PCTP: variants seen among roughly 807,000 people sequenced by gnomAD.
PCTP encodes START domain-containing protein 2.
A neutral mutation model predicts 31.0 loss-of-function variants in PCTP; 27 were observed. The ratio of observed to expected loss-of-function variants is 0.87; its 90% CI spans 0.64 to 1.20. The LOEUF (loss-of-function observed/expected upper bound fraction) is 1.20. Ranked by LOEUF, PCTP falls within the 50% of genes most tolerant of loss-of-function variation. PCTP has a pLI of 0.00. For missense variants in PCTP, 287 were observed against 268.2 expected, an observed-to-expected ratio of 1.07 and a Z score of -0.49; for synonymous variants, 108 against 101.2, an observed-to-expected ratio of 1.07 and a Z score of -0.40.
At chr17:55,769,128 A>C (rs1910845325) in intron 2 of PCTP, 3 of 152,216 alleles carry the variant, frequency 2.0e-5, no homozygotes, top group African/African-American at 7.2e-5. Context: ...TTCTTATGTC[A>C]TGGCCAAGAT....
chr17:55,846,548 T>G (rs1335645754), downstream of PCTP, among the ~76,000 whole-genome samples: 1 of 152,192 alleles, frequency 6.6e-6, no homozygotes, highest in African/African-American at 2.4e-5. Context: ...AGCTAAGATA[T>G]GAAGGACAGG....
intron 3 of PCTP, 75 bp from the exon 4 acceptor site, chr17:55,773,649 C>A: frequency 6.9e-7 from 1 of 1,447,532 alleles, no homozygotes; most frequent in Non-Finnish European, 9.4e-7. Flanking sequence ...CCTCCCTTTG[C>A]TTCCAGCTTG....
At chr17:55,832,855 C>T (rs1905649766) in intron 5 of PCTP, among the ~76,000 whole-genome samples, 1 of 152,156 alleles carries the variant, frequency 6.6e-6, no homozygotes, top group Non-Finnish European at 1.5e-5. Context: ...TTGATCAGCA[C>T]CCCAAGCTAA....
At chr17:55,760,518 G>A (rs1164636334) in intron 1 of PCTP, among the ~76,000 whole-genome samples, 3 of 152,232 alleles carry the variant, frequency 2.0e-5, no homozygotes, top group East Asian at 1.9e-4. Flanking sequence ...CTACCCAGAC[G>A]GTGAATCTGA....
At chr17:55,821,725 AAT>A (rs1330632677) in intron 3 of PCTP, among the ~76,000 whole-genome samples, 2 of 152,180 alleles carry the variant, frequency 1.3e-5, no homozygotes, top group East Asian at 3.8e-4. Context: ...CAAAACTAGT[AAT>A]TACCATACTA....
intron 5 of PCTP, among the ~76,000 whole-genome samples, chr17:55,828,281 C>T (rs956110059): frequency 1.3e-5 from 2 of 152,172 alleles, no homozygotes; most frequent in African/African-American, 4.8e-5. Context: ...AATGTGTTCT[C>T]TCACAGTTTT....
intron 3 of PCTP, among the ~76,000 whole-genome samples, chr17:55,799,436 C>T (rs1598005171): frequency 6.7e-6 from 1 of 148,286 alleles, no homozygotes; most frequent in Non-Finnish European, 1.5e-5. Flanking sequence ...GTAAATATTC[C>T]TCCATCCCTT....
At chr17:55,756,693 C>T (rs993943988) in intron 1 of PCTP, among the ~76,000 whole-genome samples, 7 of 147,088 alleles carry the variant, frequency 4.8e-5, no homozygotes, top group Admixed American at 2.8e-4. Flanking sequence ...GTTTTATACA[C>T]GTGTGTGTGT....
chr17:55,831,762 G>C (rs1042486767), intron 5 of PCTP, among the ~76,000 whole-genome samples: 1 of 152,022 alleles, frequency 6.6e-6, no homozygotes, highest in African/African-American at 2.4e-5. Flanking sequence ...CACCACGCCC[G>C]GCCAAACAGA....
chr17:55,803,204 A>C (rs1301533818), intron 3 of PCTP, among the ~76,000 whole-genome samples: 1 of 152,184 alleles, frequency 6.6e-6, no homozygotes, highest in Admixed American at 6.5e-5. Flanking sequence ...TCAAGGAAAT[A>C]AGAGAGGACA....
intron 3 of PCTP, among the ~76,000 whole-genome samples, chr17:55,804,357 T>C (rs942372021): frequency 5.9e-5 from 9 of 152,184 alleles, no homozygotes; most frequent in African/African-American, 1.4e-4. Flanking sequence ...AGCAATCCCA[T>C]TACTGGGTAT....
At chr17:55,845,011 C>T (rs1302722946), downstream of PCTP, among the ~76,000 whole-genome samples, 1 of 137,320 alleles carries the variant, frequency 7.3e-6, no homozygotes, top group African/African-American at 2.8e-5. Flanking sequence ...CCCTTGAACC[C>T]GGGAGGCGGA....
At chr17:55,825,510 G>A (rs1005543051), downstream of PCTP, among the ~76,000 whole-genome samples, 8 of 152,180 alleles carry the variant, frequency 5.3e-5, no homozygotes, top group African/African-American at 1.9e-4. Context: ...ATCGCCTTAG[G>A]GCCTATCACA....
chr17:55,774,011 C>A, intron 4 of PCTP, 116 bp downstream of exon 4: 1 of 1,253,964 alleles, frequency 8.0e-7, no homozygotes. Flanking sequence ...AGAGGACAGG[C>A]AAAGCTGCAG....
At chr17:55,771,224 A>C (rs1219371270) in intron 3 of PCTP, 39 bp downstream of exon 3, 1 of 1,509,642 alleles carries the variant, frequency 6.6e-7, no homozygotes, top group Admixed American at 1.7e-5. Flanking sequence ...TGGCCCTCTA[A>C]GTGTTTCTGT....
intron 3 of PCTP, among the ~76,000 whole-genome samples, chr17:55,796,828 GAA>G (rs1209247489): frequency 1.3e-5 from 2 of 151,638 alleles, no homozygotes; most frequent in Admixed American, 1.3e-4. Flanking sequence ...TGGTAAAGAG[GAA>G]AAAAAGATTA....
At chr17:55,833,336 A>C (rs910523191) in intron 5 of PCTP, among the ~76,000 whole-genome samples, 1 of 152,216 alleles carries the variant, frequency 6.6e-6, no homozygotes, top group African/African-American at 2.4e-5. Flanking sequence ...TCCAAAATTT[A>C]TACTTTTGAA....
chr17:55,802,263 T>G (rs2145028145), intron 3 of PCTP, among the ~76,000 whole-genome samples: 1 of 152,266 alleles, frequency 6.6e-6, no homozygotes, highest in Non-Finnish European at 1.5e-5. Flanking sequence ...CCAGATGGAT[T>G]AACAGCCAAA....
chr17:55,775,625 T>C (rs1286547423), intron 5 of PCTP: 1 of 1,193,856 alleles, frequency 8.4e-7, no homozygotes, highest in Non-Finnish European at 1.0e-6. Flanking sequence ...TGCTCAACAT[T>C]AACTAAATAA....
Sources: allele counts gnomAD v4.1 joint callset (sites outside exome capture counted in the v4.1 genomes callset), GRCh38; gene constraint gnomAD v4.1.1; transcripts MANE v1.5; gene names NCBI Gene and HGNC (gene_info 2026-07-23, HGNC 2026-07-21).